The following BMPR1B variants were observed in gnomAD, a reference collection of about 807,000 sequenced individuals.
BMPR1B encodes bone morphogenetic protein receptor type-1B.
In BMPR1B, 12 loss-of-function variants were observed where a neutral mutation model predicts 59.1. That is an observed-to-expected ratio of 0.20 (90% CI 0.13 to 0.33). The LOEUF (loss-of-function observed/expected upper bound fraction) is 0.33, where lower values mean the gene tolerates loss of function less well. Ranked by LOEUF, BMPR1B falls within the 10% of genes least tolerant of loss-of-function variation. The pLI, the probability that BMPR1B is intolerant of heterozygous loss-of-function variation, is 1.00. For missense variants in BMPR1B, 550 were observed against 610.9 expected (o/e 0.90, Z 1.05); for synonymous variants, 237 against 207.3 (o/e 1.14, Z -1.23).
Position 94,964,491 on chromosome 4 carries a change from C to T in BMPR1B, c.-112-31549C>T, listed in dbSNP as rs201719303. On this transcript the variant is annotated intron_variant, in intron 2 of 12. Transcript: ENST00000515059. The stretch of plus-strand genomic sequence containing the variant: ...AGACTTTTTTCTTCTATGGCTGTGT[C>T]TGTGTCCCATAGCACATAACTCAAC... Among the ~76,000 whole-genome samples, 14 of 152,256 alleles carry T rather than the reference C, an allele frequency of 9.2e-5. No individual in the cohort carries two copies. In the East Asian group the frequency reaches 2.1e-3, roughly 23 times the overall value.
At chr4:95,131,009 T>C (rs550179710) in intron 9 of BMPR1B, among the ~76,000 whole-genome samples, 2 of 152,216 alleles carry the variant, frequency 1.3e-5, no homozygotes, top group Non-Finnish European at 2.9e-5. Flanking sequence ...GGATTACAGG[T>C]GTGAGCCACT....
At chr4:95,127,373 C>T (rs1732983622) in intron 8 of BMPR1B, among the ~76,000 whole-genome samples, 1 of 151,982 alleles carries the variant, frequency 6.6e-6, no homozygotes. Flanking sequence ...GTTATAATAG[C>T]TTACTTTCTG....
intron 2 of BMPR1B, among the ~76,000 whole-genome samples, chr4:94,908,061 T>TAAAAAAA (rs571793477): frequency 4.1e-4 from 19 of 46,252 alleles, no homozygotes; most frequent in Non-Finnish European, 6.2e-4. Context: ...ACCCTGTCTT[T>TAAAAAAA]AAAAAAAAAA....
At chr4:94,988,728 G>C (rs1209420231) in intron 2 of BMPR1B, among the ~76,000 whole-genome samples, 1 of 152,110 alleles carries the variant, frequency 6.6e-6, no homozygotes, top group Admixed American at 6.5e-5. Flanking sequence ...ACTTATGTAT[G>C]ATTTTCCTGT....
At chr4:95,092,313 C>G (rs957359717) in intron 3 of BMPR1B, among the ~76,000 whole-genome samples, 3 of 152,008 alleles carry the variant, frequency 2.0e-5, no homozygotes, top group African/African-American at 7.2e-5. Context: ...TGGTAGCTAT[C>G]TTAGAAAATT....
intron 2 of BMPR1B, among the ~76,000 whole-genome samples, chr4:94,943,477 G>A (rs1729596584): frequency 6.6e-6 from 1 of 152,120 alleles, no homozygotes; most frequent in African/African-American, 2.4e-5. Flanking sequence ...CTGTTCCTCT[G>A]TGTCTTCAGG....
intron 1 of BMPR1B, among the ~76,000 whole-genome samples, chr4:94,785,955 T>C (rs961757335): frequency 6.6e-6 from 1 of 152,216 alleles, no homozygotes; most frequent in African/African-American, 2.4e-5. Flanking sequence ...GTTAGTTCTA[T>C]GTATGATTAT....
At chr4:94,788,861 T>G (rs1202281081) in intron 1 of BMPR1B, among the ~76,000 whole-genome samples, 1 of 152,202 alleles carries the variant, frequency 6.6e-6, no homozygotes, top group African/African-American at 2.4e-5. Context: ...CAACTTGCTC[T>G]TCTTCCTCTT....
chr4:94,871,792 A>G (rs549620652), intron 1 of BMPR1B, among the ~76,000 whole-genome samples: 1 of 152,316 alleles, frequency 6.6e-6, no homozygotes, highest in Admixed American at 6.5e-5. Flanking sequence ...TATATATACA[A>G]GCTATTTTGA....
intron 10 of BMPR1B, among the ~76,000 whole-genome samples, chr4:95,148,039 C>T (rs1734769505): frequency 6.6e-6 from 1 of 151,230 alleles, no homozygotes; most frequent in South Asian, 2.1e-4. Flanking sequence ...TGTTTTCTTC[C>T]TTTGAAAAAA....
At chr4:95,015,826 G>A (rs1054902473) in intron 3 of BMPR1B, among the ~76,000 whole-genome samples, 1 of 152,056 alleles carries the variant, frequency 6.6e-6, no homozygotes, top group Non-Finnish European at 1.5e-5. Flanking sequence ...CCGAATAGCT[G>A]GGATTACAGG....
chr4:95,062,409 C>T (rs1346535475), intron 3 of BMPR1B, among the ~76,000 whole-genome samples: 1 of 152,116 alleles, frequency 6.6e-6, no homozygotes, highest in Non-Finnish European at 1.5e-5. Flanking sequence ...GGGAATGCAG[C>T]TTATGCATAG....
At chr4:94,973,650 CAG>C (rs1730899373) in intron 2 of BMPR1B, among the ~76,000 whole-genome samples, 1 of 152,074 alleles carries the variant, frequency 6.6e-6, no homozygotes, top group African/African-American at 2.4e-5. Flanking sequence ...AGCGGGTAAA[CAG>C]GGATAGAAGT....
intron 3 of BMPR1B, among the ~76,000 whole-genome samples, chr4:95,092,314 T>A (rs1373923396): frequency 6.6e-6 from 1 of 152,084 alleles, no homozygotes; most frequent in Non-Finnish European, 1.5e-5. Context: ...GGTAGCTATC[T>A]TAGAAAATTT....
chr4:94,962,914 C>T (rs1363998642), intron 2 of BMPR1B, among the ~76,000 whole-genome samples: 2 of 152,222 alleles, frequency 1.3e-5, no homozygotes, highest in Admixed American at 6.5e-5. Flanking sequence ...TCCATAATGG[C>T]TGTACTAATT....
intron 8 of BMPR1B, among the ~76,000 whole-genome samples, chr4:95,126,602 C>G (rs576538661): frequency 2.6e-5 from 4 of 152,118 alleles, no homozygotes; most frequent in Non-Finnish European, 4.4e-5. Context: ...AGCCAGGATT[C>G]AAACCCAGAT....
At chr4:95,094,569 C>T (rs1468979698) in intron 3 of BMPR1B, among the ~76,000 whole-genome samples, 1 of 152,000 alleles carries the variant, frequency 6.6e-6, no homozygotes, top group Non-Finnish European at 1.5e-5. Context: ...TGCAAAGAAC[C>T]ATAGTTGATG....
intron 1 of BMPR1B, among the ~76,000 whole-genome samples, chr4:94,827,432 ATATAT>A (rs1724424026): frequency 6.6e-6 from 1 of 152,118 alleles, no homozygotes; most frequent in Admixed American, 6.6e-5. Context: ...TATTTCTCAA[ATATAT>A]TATTTATGGT....
At chr4:95,013,641 C>A (rs1287668689) in intron 3 of BMPR1B, among the ~76,000 whole-genome samples, 1 of 152,068 alleles carries the variant, frequency 6.6e-6, no homozygotes, top group Admixed American at 6.6e-5. Context: ...ACTACTGATA[C>A]ATGGAATAGA....
Sources: gnomAD v4.1 joint callset for allele counts (sites outside exome capture counted in the v4.1 genomes callset) on GRCh38, gnomAD v4.1.1 for gene constraint, MANE v1.5 for transcripts, NCBI Gene and HGNC (gene_info 2026-07-23, HGNC 2026-07-21) for gene names.